The following NLRP5 variants were observed in gnomAD, a reference collection of about 807,000 sequenced individuals.
NLRP5 encodes the protein NLR family pyrin domain containing 5, also known as NACHT, LRR and PYD domains-containing protein 5.
In NLRP5, 93 loss-of-function variants were observed where a neutral mutation model predicts 113.1. The observed-to-expected ratio is 0.82, with a 90% CI of 0.70 to 0.98. The LOEUF is 0.98. Among genes scored for constraint, NLRP5 ranks in the 50% least tolerant of loss-of-function variants. The pLI, the probability that NLRP5 is intolerant of heterozygous loss-of-function variation, is 0.00. For synonymous variants in NLRP5, 751 were observed against 600.7 expected, an observed-to-expected ratio of 1.25 and a Z score of -3.66; for missense variants, 1,808 against 1,514.3, an observed-to-expected ratio of 1.19 and a Z score of -3.22.
chr19:56,034,832 T>C (rs1189409546), intron 9 of NLRP5, among the ~76,000 whole-genome samples: 1 of 152,178 alleles, frequency 6.6e-6, no homozygotes, highest in East Asian at 1.9e-4. Flanking sequence ...GTTGGTTGGT[T>C]GGTTGGTCGG....
intron 6 of NLRP5, among the ~76,000 whole-genome samples, chr19:56,026,085 GA>G (rs1982833487): frequency 6.6e-6 from 1 of 152,084 alleles, no homozygotes; most frequent in Admixed American, 6.6e-5. Context: ...AGATTGTTAA[GA>G]AGCTTTTGAG....
chr19:56,051,059 G>A (rs981995961), intron 12 of NLRP5, among the ~76,000 whole-genome samples: 27 of 152,228 alleles, frequency 1.8e-4, no homozygotes, highest in African/African-American at 6.0e-4. Context: ...CAACCATGCA[G>A]TCATCCCTGT....
At chr19:56,032,489 G>A in intron 7 of NLRP5, 122 bp from the exon 8 acceptor site, 2 of 757,290 alleles carry the variant, frequency 2.6e-6, no homozygotes, top group South Asian at 4.1e-5. Context: ...AGTTGCCTCA[G>A]GGCCTCTAAA....
intron 13 of NLRP5, among the ~76,000 whole-genome samples, chr19:56,054,938 G>A (rs1053467677): frequency 2.0e-5 from 3 of 151,662 alleles, no homozygotes; most frequent in Non-Finnish European, 4.4e-5. Flanking sequence ...GGCACTAGGG[G>A]AGGTCACATT....
rs201668315 is a variant in NLRP5 at position 56,043,859 on chromosome 19, G to A, written c.2957+2767G>A. On this transcript the variant is annotated intron_variant, in intron 11 of 14. Transcript: ENST00000390649. ...CCCAAAGTGCTGGGATTACAGGCGT[G>A]AGCCACCACGCCTGGCCTCTGCTGA... Among the ~76,000 whole-genome samples the A allele has an allele frequency of 1.7e-4, 26 of 151,536 alleles. No individual in the cohort carries two copies. The East Asian group carries it at 4.9e-3, about 29-fold the overall frequency.
chr19:56,055,261 G>C (rs1568504263), intron 13 of NLRP5, among the ~76,000 whole-genome samples: 1 of 151,832 alleles, frequency 6.6e-6, no homozygotes, highest in Non-Finnish European at 1.5e-5. Flanking sequence ...CAAAGTGCTG[G>C]GATGACAGGC....
At chr19:55,995,952 A>C (rs1981311293), upstream of NLRP5, among the ~76,000 whole-genome samples, 1 of 152,178 alleles carries the variant, frequency 6.6e-6, no homozygotes, top group Admixed American at 6.6e-5. Flanking sequence ...AAAAACTTGC[A>C]TCATACTGAA....
chr19:55,992,024 C>T, the NLRP5 span, among the ~76,000 whole-genome samples: 1 of 152,104 alleles, frequency 6.6e-6, no homozygotes, highest in Admixed American at 6.6e-5. Flanking sequence ...CCTCCTCCCA[C>T]CCTCCACCCT....
chr19:55,995,140 A>T (rs1339981079), upstream of NLRP5, among the ~76,000 whole-genome samples: 1 of 152,130 alleles, frequency 6.6e-6, no homozygotes, highest in African/African-American at 2.4e-5. Context: ...GTTCTCACTC[A>T]TAGGTGGGAA....
chr19:56,001,218 G>A (rs1981634565), intron 1 of NLRP5, among the ~76,000 whole-genome samples: 1 of 148,864 alleles, frequency 6.7e-6, no homozygotes, highest in Non-Finnish European at 1.5e-5. Context: ...GCAGCTACTA[G>A]GAAGGCTGAG....
At chr19:56,019,669 T>C (rs1447894833) in intron 5 of NLRP5, among the ~76,000 whole-genome samples, 1 of 152,014 alleles carries the variant, frequency 6.6e-6, no homozygotes, top group Non-Finnish European at 1.5e-5. Context: ...CACAACTTTG[T>C]TTGATGGATG....
chr19:55,998,734 A>ATATATATATATATGTGTG (rs1981474545), upstream of NLRP5, among the ~76,000 whole-genome samples: 2 of 125,598 alleles, frequency 1.6e-5, no homozygotes, highest in Non-Finnish European at 3.4e-5. Context: ...ATATATGTGT[A>ATATATATATATATGTGTG]TATATATATA....
At chr19:56,024,645 C>G (rs992263661) in intron 6 of NLRP5, among the ~76,000 whole-genome samples, 33 of 151,278 alleles carry the variant, frequency 2.2e-4, no homozygotes, top group Non-Finnish European at 4.1e-4. Flanking sequence ...GTAATCCCAG[C>G]TACTTGAGAG....
chr19:56,052,627 A>G (rs1295956320), intron 12 of NLRP5, among the ~76,000 whole-genome samples: 2 of 151,972 alleles, frequency 1.3e-5, no homozygotes, highest in Non-Finnish European at 2.9e-5. Flanking sequence ...CCCCCTCCCC[A>G]GTGCTATCAT....
chr19:56,026,192 T>A (rs1982837753), intron 6 of NLRP5, among the ~76,000 whole-genome samples: 1 of 152,082 alleles, frequency 6.6e-6, no homozygotes, highest in Non-Finnish European at 1.5e-5. Context: ...GCCCCACTGA[T>A]GCTCGGTCCA....
chr19:56,058,937 G>A (rs542792128), intron 14 of NLRP5, among the ~76,000 whole-genome samples: 2 of 152,294 alleles, frequency 1.3e-5, no homozygotes, highest in African/African-American at 2.4e-5. Flanking sequence ...TTGACATGCC[G>A]AGTGGAATAA....
At chr19:56,039,676 C>G (rs1388208558) in intron 10 of NLRP5, among the ~76,000 whole-genome samples, 1 of 152,144 alleles carries the variant, frequency 6.6e-6, no homozygotes, top group Non-Finnish European at 1.5e-5. Flanking sequence ...CTTTGGGAGG[C>G]CGAGGCGGGC....
chr19:56,008,338 C>T (rs983571819), intron 2 of NLRP5, among the ~76,000 whole-genome samples: 1 of 151,986 alleles, frequency 6.6e-6, no homozygotes, highest in Non-Finnish European at 1.5e-5. Flanking sequence ...GGCCTCACCC[C>T]ATGGAAGAGA....
intron 12 of NLRP5, among the ~76,000 whole-genome samples, chr19:56,051,756 A>C (rs144160725): frequency 1.1e-3 from 174 of 152,320 alleles, no homozygotes; most frequent in African/African-American, 4.0e-3. Flanking sequence ...CACGTACCTT[A>C]TATCTAGTGT....
Sources: allele counts gnomAD v4.1 joint callset (sites outside exome capture counted in the v4.1 genomes callset), GRCh38; gene constraint gnomAD v4.1.1; transcripts MANE v1.5; gene names NCBI Gene and HGNC (gene_info 2026-07-23, HGNC 2026-07-21).